The following UCN2 variants were observed in gnomAD, a reference collection of about 807,000 sequenced individuals.
UCN2 encodes the protein urocortin-2.
In UCN2, 3 loss-of-function variants were observed where a neutral mutation model predicts 1.6. The ratio of observed to expected loss-of-function variants is 1.88; its 90% CI spans 0.85 to 4.85. The LOEUF is 4.85. UCN2 is among the 30% of genes most tolerant of loss of function. The pLI is 0.02. For missense variants in UCN2, 127 were observed against 150.8 expected (o/e 0.84, Z 0.83); for synonymous variants, 64 against 66.0 (o/e 0.97, Z 0.15).
In UCN2 at chr3:48,563,277, A is replaced by C; in HGVS notation, c.-12-141T>G. 8.8e-6 allele frequency: 6 copies of C among 679,044 alleles called. No homozygotes were observed. The South Asian group carries it at 1.2e-4, about 13-fold the overall frequency. The allele number at this position is 679,044 out of a possible 1,614,324, so 42.1% of individuals were successfully genotyped here. ...AGAAAGGGGTTAGAGAGGCCAGGCC[A>C]GGCCAGAGACAGAGAAGGGGAGACA... On this transcript the variant is annotated intron_variant, in intron 1 of 1. Transcript: ENST00000273610. This position sits in a 1 kb window ranked among gnomAD's most constrained non-coding sequence, Gnocchi z 4.5.
At position 48,563,242 on chromosome 3, in the gene UCN2, G is replaced by A; in HGVS notation, c.-12-106C>T. 1 of 998,386 alleles carries A rather than the reference G, an allele frequency of 1.0e-6. No homozygotes were observed. The highest frequency in any genetic ancestry group is 1.5e-6 in the Non-Finnish European group (1 of 689,268). The allele number at this position is 998,386 out of a possible 1,614,324, so 61.8% of individuals were successfully genotyped here. ...GACAGAGCGGGGGATGGAGAGAGAG[G>A]AAGACACCGAGAAAGGGGTTAGAGA... On this transcript the variant is annotated intron_variant, in intron 1 of 1. Coordinates refer to ENST00000273610, the MANE Select transcript of UCN2 (RefSeq NM_033199.4). The surrounding 1 kb of genome is among the most constrained non-coding windows in gnomAD (Gnocchi z 4.5).
At position 48,562,573 on chromosome 3, in the gene UCN2, G is replaced by A; in HGVS notation, c.*213C>T. 1 of 587,932 alleles carries A rather than the reference G, an allele frequency of 1.7e-6. No individual in the cohort carries two copies. The highest frequency in any genetic ancestry group is 2.2e-5 in the South Asian group (1 of 46,466). The allele number at this position is 587,932 out of a possible 1,614,324, so 36.4% of individuals were successfully genotyped here. The stretch of plus-strand genomic sequence containing the variant: ...CTTAGCAATGTCCAATGTCCAGGCT[G>A]TCCAGACACACTGTGACTCTGTGGG... On this transcript the variant is annotated 3_prime_UTR_variant, in exon 2 of 2. Coordinates refer to ENST00000273610, the MANE Select transcript of UCN2 (RefSeq NM_033199.4). This position sits in a 1 kb window ranked among gnomAD's most constrained non-coding sequence, Gnocchi z 4.3.
Position 48,563,377 on chromosome 3 carries a change from G to C in UCN2, c.-12-241C>G, listed in dbSNP as rs1251291419. Among the ~76,000 whole-genome samples, 1 of 152,046 alleles carries C rather than the reference G, an allele frequency of 6.6e-6. No individual in the cohort carries two copies. Among genetic ancestry groups the C allele is most frequent in the East Asian group, 1.9e-4 (1 of 5,198 alleles). ...AGAAACAAAGAAATCCAGAGACAGAGGGACAGCAAGAGAGGGAGATGAAGG... is the reference window on the plus strand; with the variant it reads ...AGAAACAAAGAAATCCAGAGACAGACGGACAGCAAGAGAGGGAGATGAAGG... On this transcript the variant is annotated intron_variant, in intron 1 of 1. Transcript: ENST00000273610. The surrounding 1 kb of genome is among the most constrained non-coding windows in gnomAD (Gnocchi z 4.5).
rs1209014357 is a variant in UCN2, at chr3:48,561,841, AACCG to A, written c.*941_*944del. The A allele has an allele frequency of 6.6e-6, 1 of 152,246 alleles. No individual in the cohort carries two copies. The highest frequency in any genetic ancestry group is 1.5e-5 in the Non-Finnish European group (1 of 68,048). The allele number at this position is 152,246 out of a possible 1,614,324, so 9.4% of individuals were successfully genotyped here. A position where few individuals can be genotyped will look rare whatever the true frequency, so the allele number is the denominator to read the frequency against. On this transcript the variant is annotated 3_prime_UTR_variant, in exon 2 of 2. Transcript: ENST00000273610. The surrounding 1 kb of genome is among the most constrained non-coding windows in gnomAD (Gnocchi z 5.2). Reference sequence around the variant, plus strand: ...TGTCGCTTTGCTTTACAGATAAGGAAACCGAGGCTCGGAAAGGTGAACACCTTTG... The same window carrying A: ...TGTCGCTTTGCTTTACAGATAAGGAAAGGCTCGGAAAGGTGAACACCTTTG...
chr3:48,562,923 GGTGGCGGGTGGGGCTGCA>G lies in UCN2; in HGVS notation c.184_201del (p.Cys62_His67del). The G allele has an allele frequency of 6.2e-7, 1 of 1,605,338 alleles. No individual in the cohort carries two copies. The highest frequency in any genetic ancestry group is 1.3e-5 in the African/African-American group (1 of 74,992). ...AGCGATAGGACAATGCGCGAGCCAG[GGTGGCGGGTGGGGCTGCA>G]GTGGCTCTGGGCAGCCCACGGCCAT... On this transcript the variant is annotated inframe_deletion, in exon 2 of 2. Transcript: ENST00000273610. This position sits in a 1 kb window ranked among gnomAD's most constrained non-coding sequence, Gnocchi z 4.3.
rs1402044148 is a variant in UCN2 at position 48,562,434 on chromosome 3, A to G, written c.*352T>C. ...TTCTGTGACTATGGGGCACCCAGACATAGCAAGACTCGCCACAGCAGTGAC... is the reference window on the plus strand; with the variant it reads ...TTCTGTGACTATGGGGCACCCAGACGTAGCAAGACTCGCCACAGCAGTGAC... On this transcript the variant is annotated 3_prime_UTR_variant, in exon 2 of 2. Coordinates refer to ENST00000273610, the MANE Select transcript of UCN2 (RefSeq NM_033199.4). The surrounding 1 kb of genome is among the most constrained non-coding windows in gnomAD (Gnocchi z 4.3). The G allele has an allele frequency of 3.0e-5, 9 of 297,590 alleles. No individual in the cohort carries two copies. Among genetic ancestry groups the G allele is most frequent in the East Asian group, 2.5e-4 (4 of 16,238 alleles). 18.4% of individuals were successfully genotyped at this position (297,590 alleles called of 1,614,324 possible). A position where few individuals can be genotyped will look rare whatever the true frequency, so the allele number is the denominator to read the frequency against.
Sources: gnomAD v4.1 joint callset for allele counts (sites outside exome capture counted in the v4.1 genomes callset) on GRCh38, gnomAD v4.1.1 for gene constraint, Gnocchi (gnomAD v3.1) non-coding constraint, MANE v1.5 for transcripts, NCBI Gene and HGNC (gene_info 2026-07-23, HGNC 2026-07-21) for gene names.